Variants in DZANK1 observed in about 807,000 individuals in gnomAD.
The protein encoded by DZANK1 is double zinc ribbon and ankyrin repeat-containing protein 1.
DZANK1 carries 91 observed loss-of-function variants against 94.5 expected under a neutral mutation model. The observed-to-expected ratio is 0.96, with a 90% CI of 0.81 to 1.15. The LOEUF is 1.15. Ranked by LOEUF, DZANK1 falls within the 50% of genes most tolerant of loss-of-function variation. The pLI is 0.00. For missense variants in DZANK1, 903 were observed against 916.4 expected (o/e 0.99, Z 0.19); for synonymous variants, 312 against 325.3 (o/e 0.96, Z 0.44).
At chr20:18,440,165 A>G (rs576027684) in intron 8 of DZANK1, among the ~76,000 whole-genome samples, 1 of 152,326 alleles carries the variant, frequency 6.6e-6, no homozygotes, top group African/African-American at 2.4e-5. Flanking sequence ...TTAAACTTCC[A>G]GCCTGCAGAA....
intron 10 of DZANK1, among the ~76,000 whole-genome samples, chr20:18,419,498 G>A (rs2148492936): frequency 6.6e-6 from 1 of 152,208 alleles, no homozygotes; most frequent in South Asian, 2.1e-4. Flanking sequence ...TAGCCAAACT[G>A]CTGAAAACCA....
chr20:18,384,949 T>A, intron 20 of DZANK1, 67 bp downstream of exon 20: 1 of 1,456,974 alleles, frequency 6.9e-7, no homozygotes. Context: ...CCTCTTAAAA[T>A]CATCACAGGC....
chr20:18,427,199 AAAC>A (rs1286495824), intron 9 of DZANK1, 40 bp from the exon 10 acceptor site: 24 of 1,498,662 alleles, frequency 1.6e-5, no homozygotes, highest in Non-Finnish European at 2.1e-5. Flanking sequence ...TCCTCTGAGC[AAAC>A]AACTGTGCAA....
chr20:18,387,174 C>T (rs2048546302), intron 19 of DZANK1, among the ~76,000 whole-genome samples: 5 of 152,214 alleles, frequency 3.3e-5, no homozygotes, highest in Admixed American at 1.3e-4. Flanking sequence ...ATAGGGTTGC[C>T]GCATCTCCTA....
intron 3 of DZANK1, 85 bp downstream of exon 3, chr20:18,460,067 CT>C: frequency 1.9e-6 from 2 of 1,038,502 alleles, no homozygotes; most frequent in Non-Finnish European, 2.6e-6. Flanking sequence ...TAATGCAGCA[CT>C]GATTCTGATA....
intron 6 of DZANK1, among the ~76,000 whole-genome samples, chr20:18,449,869 G>A (rs1333555180): frequency 2.0e-5 from 3 of 151,042 alleles, no homozygotes; most frequent in South Asian, 4.2e-4. Context: ...ACCTGAGGTC[G>A]GGAGTTCGAG....
At chr20:18,448,927 T>A (rs2058989377) in intron 7 of DZANK1, 57 bp downstream of exon 7, 1 of 1,436,136 alleles carries the variant, frequency 7.0e-7, no homozygotes, top group Admixed American at 2.0e-5. Context: ...AAATTCTCTT[T>A]GACCATGATG....
At chr20:18,393,027 G>C (rs1433654899) in intron 17 of DZANK1, among the ~76,000 whole-genome samples, 1 of 152,146 alleles carries the variant, frequency 6.6e-6, no homozygotes, top group African/African-American at 2.4e-5. Flanking sequence ...TGTGCACTTT[G>C]CCCTGATAAC....
intron 19 of DZANK1, among the ~76,000 whole-genome samples, chr20:18,389,375 C>G (rs1376281289): frequency 1.3e-5 from 2 of 152,096 alleles, no homozygotes; most frequent in Non-Finnish European, 2.9e-5. Context: ...GGTGTTTTCA[C>G]GATTCATGAT....
At chr20:18,415,267 C>T in intron 11 of DZANK1, 60 bp downstream of exon 11, 1 of 1,340,122 alleles carries the variant, frequency 7.5e-7, no homozygotes. Flanking sequence ...AAGTGCCTGG[C>T]TCTCTCCAGG....
At chr20:18,390,566 GA>G in intron 17 of DZANK1, 107 bp from the exon 18 acceptor site, 1 of 1,034,684 alleles carries the variant, frequency 9.7e-7, no homozygotes, top group South Asian at 1.4e-5. Flanking sequence ...AGGTGACTAT[GA>G]GTGTGTGCAT....
chr20:18,389,960 A>C (rs1352184806), intron 18 of DZANK1, 132 bp from the exon 19 acceptor site: 2 of 1,361,616 alleles, frequency 1.5e-6, no homozygotes, highest in Non-Finnish European at 2.0e-6. Context: ...ATCAAAGGAG[A>C]GGAGAATCAG....
chr20:18,444,707 A>C (rs6045405), intron 7 of DZANK1, among the ~76,000 whole-genome samples: 46,443 of 151,078 alleles, frequency 0.31, 7,216 homozygotes, highest in South Asian at 0.41. Flanking sequence ...AAATACTCCA[A>C]TTAGAACATA....
At chr20:18,429,755 G>A (rs933242670) in intron 9 of DZANK1, among the ~76,000 whole-genome samples, 2 of 152,334 alleles carry the variant, frequency 1.3e-5, no homozygotes, top group East Asian at 3.9e-4. Flanking sequence ...TTGGTTGACA[G>A]GTTTTTCTAT....
At chr20:18,386,911 T>C (rs572336574) in intron 19 of DZANK1, among the ~76,000 whole-genome samples, 3 of 152,212 alleles carry the variant, frequency 2.0e-5, no homozygotes, top group African/African-American at 7.2e-5. Flanking sequence ...GAATTTGCCA[T>C]AGAATGTTCA....
At chr20:18,407,743 T>A (rs2057032626) in intron 13 of DZANK1, among the ~76,000 whole-genome samples, 1 of 152,138 alleles carries the variant, frequency 6.6e-6, no homozygotes, top group Admixed American at 6.5e-5. Flanking sequence ...TTAAAAAGAA[T>A]CAAGTAGAAA....
At chr20:18,394,712 C>CT in intron 15 of DZANK1, 1 of 493,346 alleles carries the variant, frequency 2.0e-6, no homozygotes, top group African/African-American at 1.9e-5. Flanking sequence ...CATTTCTCTG[C>CT]TTAAAGTCCT....
chr20:18,433,079 A>T (rs17733390), intron 9 of DZANK1: 15,200 of 152,308 alleles, frequency 0.1, 1,004 homozygotes, highest in Non-Finnish European at 0.14. Context: ...TGAAGTAAAA[A>T]ATTGTCTTTG....
At chr20:18,466,250 G>A (rs1253035161) in intron 1 of DZANK1, among the ~76,000 whole-genome samples, 2 of 152,072 alleles carry the variant, frequency 1.3e-5, no homozygotes, top group Admixed American at 1.3e-4. Context: ...TCTACTTCTT[G>A]CATTCTCACT....
Sources: allele counts gnomAD v4.1 joint callset (sites outside exome capture counted in the v4.1 genomes callset), GRCh38; gene constraint gnomAD v4.1.1; transcripts MANE v1.5; gene names NCBI Gene and HGNC (gene_info 2026-07-23, HGNC 2026-07-21).